The following RBFOX3 variants were observed in gnomAD, a reference collection of about 807,000 sequenced individuals.
RBFOX3 encodes the protein RNA binding protein fox-1 homolog 3.
A neutral mutation model predicts 48.7 loss-of-function variants in RBFOX3; 17 were observed. That is an observed-to-expected ratio of 0.35 (90% CI 0.24 to 0.52). RBFOX3 has a LOEUF of 0.52. Ranked by LOEUF, RBFOX3 falls within the 20% of genes least tolerant of loss-of-function variation. The pLI, the probability that RBFOX3 is intolerant of heterozygous loss-of-function variation, is 0.94. For synonymous variants in RBFOX3, 212 were observed against 209.5 expected (o/e 1.01, Z -0.10); for missense variants, 382 against 497.5 (o/e 0.77, Z 2.21).
At chr17:79,387,107 G>A (rs2060660365) in intron 2 of RBFOX3, among the ~76,000 whole-genome samples, 1 of 152,148 alleles carries the variant, frequency 6.6e-6, no homozygotes, top group Admixed American at 6.5e-5. Flanking sequence ...AGGTCCCCAG[G>A]GCTCCCTGGG....
intron 1 of RBFOX3, among the ~76,000 whole-genome samples, chr17:79,507,195 C>G (rs2083277182): frequency 6.6e-6 from 1 of 152,156 alleles, no homozygotes; most frequent in Non-Finnish European, 1.5e-5. Context: ...CCGCCTGCTT[C>G]TTATCAGACA....
chr17:79,653,125 G>C, the RBFOX3 span, among the ~76,000 whole-genome samples: 6 of 152,184 alleles, frequency 3.9e-5, no homozygotes, highest in African/African-American at 1.4e-4. Flanking sequence ...ACAGAATAAA[G>C]AGGCTTAGGA....
chr17:79,453,895 T>C (rs2074007922), intron 2 of RBFOX3, among the ~76,000 whole-genome samples: 1 of 152,124 alleles, frequency 6.6e-6, no homozygotes, highest in Admixed American at 6.5e-5. Flanking sequence ...GCTGACTCCA[T>C]GCCCAGGAGC....
intron 3 of RBFOX3, among the ~76,000 whole-genome samples, chr17:79,260,720 C>T (rs974509097): frequency 2.0e-5 from 3 of 152,198 alleles, no homozygotes; most frequent in African/African-American, 7.2e-5. Context: ...GAATCCGACG[C>T]CCCTCCCCTG....
chr17:79,261,792 T>C (rs760697916), intron 3 of RBFOX3, among the ~76,000 whole-genome samples: 124 of 152,292 alleles, frequency 8.1e-4, no homozygotes, highest in Non-Finnish European at 1.6e-3. Context: ...ACGCTTCCCC[T>C]GTTCACACAA....
chr17:79,549,430 G>A (rs527906206), intron 1 of RBFOX3, among the ~76,000 whole-genome samples: 17 of 152,252 alleles, frequency 1.1e-4, no homozygotes, highest in Non-Finnish European at 4.4e-5. Flanking sequence ...AGTAATTAGA[G>A]CCAACTGCAG....
At chr17:79,266,055 C>T (rs1254441008) in intron 3 of RBFOX3, among the ~76,000 whole-genome samples, 1 of 152,276 alleles carries the variant, frequency 6.6e-6, no homozygotes, top group East Asian at 1.9e-4. Context: ...CCGGACCGGG[C>T]AGGTGAGACT....
intron 9 of RBFOX3, among the ~76,000 whole-genome samples, chr17:79,101,349 G>C (rs2076397927): frequency 6.6e-6 from 1 of 152,188 alleles, no homozygotes. Flanking sequence ...TGAGACTCCA[G>C]CTATGGCTGA....
chr17:79,167,645 TG>T (rs1274146739), intron 4 of RBFOX3, among the ~76,000 whole-genome samples: 3 of 152,200 alleles, frequency 2.0e-5, no homozygotes, highest in Non-Finnish European at 4.4e-5. Flanking sequence ...GCAGTCTGCC[TG>T]CCCCCGCAGA....
intron 3 of RBFOX3, among the ~76,000 whole-genome samples, chr17:79,289,648 T>C (rs115362525): frequency 2.6e-5 from 4 of 152,376 alleles, no homozygotes; most frequent in African/African-American, 9.6e-5. Flanking sequence ...CTTTGGGGCT[T>C]TCCCCCTTTG....
intron 2 of RBFOX3, among the ~76,000 whole-genome samples, chr17:79,460,931 A>T (rs902260851): frequency 1.3e-5 from 2 of 152,192 alleles, no homozygotes; most frequent in Non-Finnish European, 2.9e-5. Flanking sequence ...GAATGGACTA[A>T]AACAGTGTCT....
intron 4 of RBFOX3, among the ~76,000 whole-genome samples, chr17:79,154,588 C>T (rs982575372): frequency 5.3e-5 from 8 of 152,330 alleles, no homozygotes; most frequent in East Asian, 3.9e-4. Flanking sequence ...GAATGAAGGA[C>T]GCTGGCTGGC....
chr17:79,310,124 G>A (rs892409477), intron 2 of RBFOX3, among the ~76,000 whole-genome samples: 11 of 152,212 alleles, frequency 7.2e-5, no homozygotes, highest in African/African-American at 2.7e-4. Flanking sequence ...TGAATGCACA[G>A]CTACCCCGGA....
intron 2 of RBFOX3, among the ~76,000 whole-genome samples, chr17:79,329,180 C>T (rs2079820805): frequency 6.6e-6 from 1 of 152,100 alleles, no homozygotes; most frequent in Admixed American, 6.5e-5. Context: ...CCATGGTGCT[C>T]CTCCCATTTC....
At chr17:79,381,087 C>T (rs2059855288) in intron 2 of RBFOX3, among the ~76,000 whole-genome samples, 1 of 152,080 alleles carries the variant, frequency 6.6e-6, no homozygotes, top group South Asian at 2.1e-4. Flanking sequence ...CGGTGAAACC[C>T]CGTTTCTACT....
chr17:79,134,045 G>A (rs888049873), intron 4 of RBFOX3, among the ~76,000 whole-genome samples: 1 of 152,206 alleles, frequency 6.6e-6, no homozygotes, highest in African/African-American at 2.4e-5. Flanking sequence ...CAGTGCCCAG[G>A]ACATGAGGTG....
intron 8 of RBFOX3, 148 bp from the exon 9 acceptor site, chr17:79,101,792 C>T: frequency 1.3e-6 from 1 of 765,654 alleles, no homozygotes; most frequent in Non-Finnish European, 2.2e-6. Flanking sequence ...CCTCCGGGAG[C>T]CTTGGCCCCC....
chr17:79,308,563 G>A (rs968357270), intron 2 of RBFOX3, among the ~76,000 whole-genome samples: 1 of 152,202 alleles, frequency 6.6e-6, no homozygotes, highest in African/African-American at 2.4e-5. Context: ...TTGGCTGTGA[G>A]CAGGGACTGA....
At chr17:79,502,212 T>A (rs2082478140) in intron 1 of RBFOX3, among the ~76,000 whole-genome samples, 1 of 152,200 alleles carries the variant, frequency 6.6e-6, no homozygotes. Context: ...AACTATATTC[T>A]GATACATGAG....
Sources: gnomAD v4.1 joint callset for allele counts (sites outside exome capture counted in the v4.1 genomes callset) on GRCh38, gnomAD v4.1.1 for gene constraint, MANE v1.5 for transcripts, NCBI Gene and HGNC (gene_info 2026-07-23, HGNC 2026-07-21) for gene names.